The following NIN variants were observed in gnomAD, a reference collection of about 807,000 sequenced individuals.
NIN encodes the protein glycogen synthase kinase 3 beta-interacting protein.
A neutral mutation model predicts 257.6 loss-of-function variants in NIN; 137 were observed. The observed-to-expected ratio is 0.53, with a 90% confidence interval of 0.46 to 0.61. The LOEUF (loss-of-function observed/expected upper bound fraction) is 0.61. NIN is among the 20% of genes least tolerant of loss of function. The pLI is 0.00. For synonymous variants in NIN, 918 were observed against 919.8 expected, an observed-to-expected ratio of 1.00 and a Z score of 0.04; for missense variants, 2,439 against 2,501.2, an observed-to-expected ratio of 0.98 and a Z score of 0.53.
At position 50,736,545 on chromosome 14, in the gene NIN, G is replaced by C. The variant is rs1400576948; in HGVS notation, c.5776-928C>G. ...AACACTATCTTAGAAAGCTGATTTTGCTTCTATCAAAAAGAGCTGAGGAGA... is the reference window on the plus strand; with the variant it reads ...AACACTATCTTAGAAAGCTGATTTTCCTTCTATCAAAAAGAGCTGAGGAGA... On this transcript the variant is annotated intron_variant, in intron 27 of 30. Coordinates refer to ENST00000530997, the MANE Select transcript of NIN (RefSeq NM_020921.4). Among the ~76,000 whole-genome samples the C allele has an allele frequency of 2.0e-5, 3 of 152,152 alleles. No individual in the cohort carries two copies. In the South Asian group the frequency reaches 6.2e-4, roughly 32 times the overall value.
Position 50,757,097 on chromosome 14 carries a change from G to A in NIN, c.3933C>T (p.Tyr1311=), listed in dbSNP as rs777723091. 35 of 1,613,084 alleles carry A rather than the reference G, an allele frequency of 2.2e-5. No individual in the cohort carries two copies. In the South Asian group the frequency reaches 2.2e-4, roughly 10 times the overall value. The change falls in exon 18 of 31, where the codon TAC becomes TAT. Residue 1311 remains tyrosine (Y), a synonymous_variant. Transcript: ENST00000530997. ...CCTCATTTTCTATTTTGACCTCATC[G>A]TAACTCTTTTCCAGGCTGAGGAATG... ...TETFLSLEKS[Y]DEVKIENEGL...
chr14:50,780,866 C>T (rs1057454251), intron 5 of NIN, among the ~76,000 whole-genome samples: 1 of 152,196 alleles, frequency 6.6e-6, no homozygotes, highest in Non-Finnish European at 1.5e-5. Flanking sequence ...ATAACAATTT[C>T]ATCAGCTCAC....
chr14:50,767,773 C>CAT (rs1595820899), intron 12 of NIN, among the ~76,000 whole-genome samples: 1 of 148,938 alleles, frequency 6.7e-6, no homozygotes, highest in Admixed American at 6.7e-5. Context: ...GCCGAGATGG[C>CAT]GCCACTGCAC....
intron 29 of NIN, chr14:50,727,519 T>G (rs1215321265): frequency 9.0e-6 from 11 of 1,218,156 alleles, no homozygotes; most frequent in Non-Finnish European, 1.1e-5. Flanking sequence ...CATAAATAAA[T>G]AAGAGACATA....
intron 3 of NIN, among the ~76,000 whole-genome samples, chr14:50,815,550 A>G (rs1162375178): frequency 6.6e-6 from 1 of 152,088 alleles, no homozygotes; most frequent in Non-Finnish European, 1.5e-5. Flanking sequence ...GTATATACCC[A>G]AAGGAATATA....
Position 50,752,695 on chromosome 14 carries a change from C to A in NIN, c.4773G>T (p.Leu1591Phe). The change falls in exon 21 of 31, where the codon TTG becomes TTT. Residue 1591 changes from leucine to phenylalanine, a missense_variant. Physicochemically the swap from Leu to Phe is conservative, Grantham distance 22 (BLOSUM62 0). This residue lies in a region of NIN where 2,043 missense variants were observed against 2,050.2 expected (regional missense o/e 1.00). Transcript: ENST00000530997. ...TCTTTTGGCTAAGTTCTGTATTTTC[C>A]AAATCCAATTGTTGGTTTTTGATTT... ...ELKIKNQQLD[L>F]ENTELSQKNS... 6.2e-7 allele frequency: 1 copy of A among 1,602,618 alleles called. No individual in the cohort carries two copies. The highest frequency in any genetic ancestry group is 8.5e-7 in the Non-Finnish European group (1 of 1,175,480).
In NIN at chr14:50,739,392, T is replaced by C. The variant is rs776858687; in HGVS notation, c.5544A>G (p.Glu1848=). Residue 1848 remains glutamate (E), a synonymous_variant, in exon 26 of 31, where the codon GAA becomes GAG. Coordinates refer to ENST00000530997, the MANE Select transcript of NIN (RefSeq NM_020921.4). ...WDKLDHLMNE[E]QQLLWQENER... ...CATTCTCTTGCCAAAGCAGCTGCTG[T>C]TCCTCATTCATCAGATGATCCAACT... 3 of 1,614,252 alleles carry C rather than the reference T, an allele frequency of 1.9e-6. No homozygotes were observed. Among genetic ancestry groups the C allele is most frequent in the East Asian group, 4.5e-5 (2 of 44,880 alleles).
intron 25 of NIN, among the ~76,000 whole-genome samples, chr14:50,739,960 A>G (rs2041195733): frequency 6.6e-6 from 1 of 152,244 alleles, no homozygotes; most frequent in African/African-American, 2.4e-5. Flanking sequence ...ATATGCAATC[A>G]TATCCTTTTT....
At chr14:50,763,384 A>C (rs1566820497) in intron 15 of NIN, among the ~76,000 whole-genome samples, 1 of 152,230 alleles carries the variant, frequency 6.6e-6, no homozygotes, top group Non-Finnish European at 1.5e-5. Context: ...CATTCAGCAC[A>C]GCCCGTATAA....
Position 50,778,911 on chromosome 14 carries a change from G to A in NIN, c.436-107C>T, listed in dbSNP as rs2043021872. ...CTCTGGCTCTGAAATCATCATCTAA[G>A]TGAGTCACATAATTTCAGGACTCTC... On this transcript the variant is annotated intron_variant, in intron 5 of 30. Coordinates refer to ENST00000530997, the MANE Select transcript of NIN (RefSeq NM_020921.4). 5.2e-6 allele frequency: 6 copies of A among 1,160,362 alleles called. No individual in the cohort carries two copies. The African/African-American group carries it at 6.1e-5, about 12-fold the overall frequency. 71.9% of individuals were successfully genotyped at this position (1,160,362 alleles called of 1,614,324 possible).
intron 5 of NIN, among the ~76,000 whole-genome samples, chr14:50,788,713 T>C (rs768779217): frequency 1.3e-5 from 2 of 152,202 alleles, no homozygotes; most frequent in Non-Finnish European, 1.5e-5. Context: ...CTAATCCCTA[T>C]AGGATGAGTT....
intron 2 of NIN, among the ~76,000 whole-genome samples, chr14:50,830,096 C>T (rs187845148): frequency 2.0e-5 from 3 of 152,250 alleles, no homozygotes; most frequent in Non-Finnish European, 4.4e-5. Context: ...AGGCTAACAC[C>T]TCGGATTTCC....
chr14:50,738,595 A>G (rs1466153446), intron 26 of NIN, among the ~76,000 whole-genome samples: 1 of 152,194 alleles, frequency 6.6e-6, no homozygotes, highest in Non-Finnish European at 1.5e-5. Flanking sequence ...CAGTGGTCCC[A>G]GGCCCTTTTT....
intron 4 of NIN, among the ~76,000 whole-genome samples, chr14:50,802,493 G>A (rs1452189631): frequency 6.6e-6 from 1 of 152,068 alleles, no homozygotes; most frequent in Non-Finnish European, 1.5e-5. Flanking sequence ...TGAGAGCTTT[G>A]TTTTTATAGA....
intron 27 of NIN, among the ~76,000 whole-genome samples, chr14:50,736,526 A>G (rs1214495795): frequency 6.6e-6 from 1 of 152,192 alleles, no homozygotes; most frequent in Non-Finnish European, 1.5e-5. Context: ...ATACAACACT[A>G]TCTTAGAAAG....
intron 5 of NIN, among the ~76,000 whole-genome samples, chr14:50,781,776 A>C (rs1158089912): frequency 6.6e-6 from 1 of 150,902 alleles, no homozygotes; most frequent in East Asian, 2.0e-4. Flanking sequence ...AAGTGCTTAG[A>C]ATTGTGCCTG....
Position 50,721,273 on chromosome 14 carries a change from C to T in NIN, c.*2190G>A, listed in dbSNP as rs1402836645. The T allele has an allele frequency of 4.9e-6, 1 of 203,556 alleles. No individual in the cohort carries two copies. Among genetic ancestry groups the T allele is most frequent in the African/African-American group, 2.3e-5 (1 of 43,678 alleles). The allele number at this position is 203,556 out of a possible 1,614,324, so 12.6% of individuals were successfully genotyped here. ...TTTGAATAGAGATTCTAAATGTAGT[C>T]TAAACTTTCCAGAAAGTCATATTTA... On this transcript the variant is annotated 3_prime_UTR_variant, in exon 31 of 31. Transcript: ENST00000530997.
chr14:50,758,475 C>A lies in NIN; in HGVS notation c.2555G>T (p.Arg852Leu), dbSNP rs773010615. Residue 852 changes from arginine to leucine, a missense_variant, in exon 18 of 31, where the codon CGT becomes CTT. Coordinates refer to ENST00000530997, the MANE Select transcript of NIN (RefSeq NM_020921.4). ...AAATTCCCACTGGGATTTCTCCTCA[C>A]GCTGCTGTTCCTGGAGGTCCTTCAG... ...QELKDLQEQQ[R>L]EEKSQWEFEK... 6.2e-7 allele frequency: 1 copy of A among 1,614,096 alleles called. No individual in the cohort carries two copies. Among genetic ancestry groups the A allele is most frequent in the East Asian group, 2.2e-5 (1 of 44,892 alleles).
chr14:50,784,983 C>G (rs142907405), intron 5 of NIN, among the ~76,000 whole-genome samples: 1 of 152,176 alleles, frequency 6.6e-6, no homozygotes, highest in African/African-American at 2.4e-5. Context: ...GGTTGTCCGG[C>G]CCCAAAATGG....
Sources: gnomAD v4.1 joint callset for allele counts (sites outside exome capture counted in the v4.1 genomes callset) on GRCh38, gnomAD v4.1.1 for gene constraint, gnomAD v4.1.1 regional missense constraint, MANE v1.5 for transcripts, NCBI Gene and HGNC (gene_info 2026-07-23, HGNC 2026-07-21) for gene names.